NTHL1: variants seen among roughly 807,000 people sequenced by gnomAD.
The protein encoded by NTHL1 is nth like DNA glycosylase 1.
Under a neutral mutation model 32.3 loss-of-function variants are expected in NTHL1, and 32 were observed. The observed-to-expected ratio is 0.99, with a 90% CI of 0.75 to 1.33. The LOEUF is 1.33. NTHL1 is among the 40% of genes most tolerant of loss of function. The probability of loss-of-function intolerance (pLI) is 0.00; values close to 1 mark genes in which losing one functional copy is unlikely to be tolerated. For synonymous variants in NTHL1, 188 were observed against 176.9 expected (o/e 1.06, Z -0.50); for missense variants, 501 against 414.1 (o/e 1.21, Z -1.82).
In NTHL1 at chr16:2,043,001, G is replaced by A. The variant is rs1020383627; in HGVS notation, c.685+566C>T. Among the ~76,000 whole-genome samples the A allele has an allele frequency of 8.4e-6, 1 of 119,472 alleles. No individual in the cohort carries two copies. Among genetic ancestry groups the A allele is most frequent in the Non-Finnish European group, 1.7e-5 (1 of 58,070 alleles). 78.4% of individuals were successfully genotyped at this position (119,472 alleles called of 152,430 possible). Reference sequence around the variant, plus strand: ...CACCTCCCTCCCCACCCCACCTGCTGAGGGGATACTCTTCCTCCTCCCTCC... The same window carrying A: ...CACCTCCCTCCCCACCCCACCTGCTAAGGGGATACTCTTCCTCCTCCCTCC... On this transcript the variant is annotated intron_variant, in intron 4 of 5. Transcript: ENST00000651570. This position sits in a 1 kb window ranked among gnomAD's most constrained non-coding sequence, Gnocchi z 4.4.
chr16:2,041,133 T>C (rs1447021327), intron 4 of NTHL1, among the ~76,000 whole-genome samples: 2 of 152,246 alleles, frequency 1.3e-5, no homozygotes, highest in African/African-American at 4.8e-5. Context: ...AGCCGAGGCC[T>C]GCACCAGCTC....
In NTHL1 at chr16:2,044,906, A is replaced by G. The variant is rs372848463; in HGVS notation, c.355-106T>C. 187 of 1,324,234 alleles carry G rather than the reference A, an allele frequency of 1.4e-4. No homozygotes were observed. The African/African-American group carries it at 2.5e-3, about 18-fold the overall frequency. 82.0% of individuals were successfully genotyped at this position (1,324,234 alleles called of 1,614,324 possible). ...ACACCCTGGTTTGTTGCCCTGGGCC[A>G]CACTTGAGGCATCAGCCTCCCCCTG... On this transcript the variant is annotated intron_variant, in intron 2 of 5. Transcript: ENST00000651570. This position sits in a 1 kb window ranked among gnomAD's most constrained non-coding sequence, Gnocchi z 5.0.
At chr16:2,047,537 T>C in intron 1 of NTHL1, 172 bp downstream of exon 1, 1 of 1,159,706 alleles carries the variant, frequency 8.6e-7, no homozygotes, top group Non-Finnish European at 1.2e-6. Flanking sequence ...GACCGCAATC[T>C]TTGGGAAAAA....
rs2084316484 is a variant in NTHL1 at position 2,044,648 on chromosome 16, G to A, written c.507C>T (p.Tyr169=). 10 of 1,606,930 alleles carry A rather than the reference G, an allele frequency of 6.2e-6. No individual in the cohort carries two copies. The highest frequency in any genetic ancestry group is 1.1e-5 in the South Asian group (1 of 91,080). The change falls in exon 3 of 6, where the codon TAC becomes TAT. Residue 169 remains tyrosine (Y), a synonymous_variant. Coordinates refer to ENST00000651570, the MANE Select transcript of NTHL1 (RefSeq NM_002528.7). This position sits in a 1 kb window ranked among gnomAD's most constrained non-coding sequence, Gnocchi z 5.0. ...GGCTCACCCTCCAGAAACCGACGGG[G>A]TAGATGAGCTTGCCCAGCGTGGCAT... ...TDDATLGKLI[Y]PVGFWRSKVK... is the part of the protein sequence containing the mutation.
intron 4 of NTHL1, among the ~76,000 whole-genome samples, chr16:2,042,770 C>A (rs143604769): frequency 0.029 from 4,286 of 148,020 alleles, 228 homozygotes; most frequent in African/African-American, 0.1. Flanking sequence ...GGCCCTCCCC[C>A]CAGTGCCTCC....
rs1296099759 is a variant in NTHL1 at position 2,043,455 on chromosome 16, A to G, written c.685+112T>C. The G allele has an allele frequency of 2.0e-6, 3 of 1,466,774 alleles. No individual in the cohort carries two copies. Among genetic ancestry groups the G allele is most frequent in the African/African-American group, 1.4e-5 (1 of 72,184 alleles). 90.9% of individuals were successfully genotyped at this position (1,466,774 alleles called of 1,614,324 possible). ...ACCCTGGGAGCACCTTTCTGACTCT[A>G]TGGGCTGGGTGGAGGACCAGCATGC... On this transcript the variant is annotated intron_variant, in intron 4 of 5. Coordinates refer to ENST00000651570, the MANE Select transcript of NTHL1 (RefSeq NM_002528.7). The surrounding 1 kb of genome is among the most constrained non-coding windows in gnomAD (Gnocchi z 4.4).
At chr16:2,041,075 A>G (rs1214262532) in intron 4 of NTHL1, among the ~76,000 whole-genome samples, 3 of 152,162 alleles carry the variant, frequency 2.0e-5, no homozygotes, top group African/African-American at 7.2e-5. Context: ...GGCCCCGGCC[A>G]GCTGCAGCCC....
chr16:2,043,056 T>C lies in NTHL1; in HGVS notation c.685+511A>G, dbSNP rs931856441. Among the ~76,000 whole-genome samples, 3 of 142,764 alleles carry C rather than the reference T, an allele frequency of 2.1e-5. No homozygotes were observed. Among genetic ancestry groups the C allele is most frequent in the African/African-American group, 5.2e-5 (2 of 38,126 alleles). 93.7% of individuals were successfully genotyped at this position (142,764 alleles called of 152,430 possible). A position where few individuals can be genotyped will look rare whatever the true frequency, so the allele number is the denominator to read the frequency against. ...TCCTTACCTCCCCACTCTGCCCTCA[T>C]CTCATTCCAGAACTTCCTGCTCCTG... On this transcript the variant is annotated intron_variant, in intron 4 of 5. Transcript: ENST00000651570. The surrounding 1 kb of genome is among the most constrained non-coding windows in gnomAD (Gnocchi z 4.4).
intron 4 of NTHL1, chr16:2,042,004 C>T (rs1205030860): frequency 4.0e-5 from 18 of 455,478 alleles, no homozygotes; most frequent in African/African-American, 2.4e-4. Flanking sequence ...CCACATACCT[C>T]GGCCTTCCAA....
chr16:2,045,143 C>A (rs904030228), intron 2 of NTHL1, among the ~76,000 whole-genome samples: 1 of 152,040 alleles, frequency 6.6e-6, no homozygotes, highest in Non-Finnish European at 1.5e-5. Context: ...TTGAGACCAG[C>A]CTGATCAACG....
chr16:2,043,739 G>T lies in NTHL1; in HGVS notation c.526-13C>A. 1 of 1,610,720 alleles carries T rather than the reference G, an allele frequency of 6.2e-7. No individual in the cohort carries two copies. The highest frequency in any genetic ancestry group is 1.3e-5 in the African/African-American group (1 of 75,062). On this transcript the variant is annotated splice_polypyrimidine_tract_variant and intron_variant, in intron 3 of 5. Transcript: ENST00000651570. This position sits in a 1 kb window ranked among gnomAD's most constrained non-coding sequence, Gnocchi z 4.4. Reference sequence around the variant, plus strand: ...ATTTCACCTTGCTCTGAAAGACAGGGGTGGGTTCAGCCTTGGAGGCAAGGG... The same window carrying T: ...ATTTCACCTTGCTCTGAAAGACAGGTGTGGGTTCAGCCTTGGAGGCAAGGG...
rs555400420 is a variant in NTHL1, at chr16:2,040,066, G to C, written c.792-19C>G. 72 of 1,612,598 alleles carry C rather than the reference G, an allele frequency of 4.5e-5. 2 individuals carry two copies. The South Asian group carries it at 7.7e-4, about 17-fold the overall frequency. The stretch of plus-strand genomic sequence containing the variant: ...CAGCTCCCTGTGGGGGTGGGGGCTG[G>C]GTCAGTGCTGACAGAGGGCGGGCGG... On this transcript the variant is annotated intron_variant, in intron 5 of 5. Coordinates refer to ENST00000651570, the MANE Select transcript of NTHL1 (RefSeq NM_002528.7).
intron 1 of NTHL1, 49 bp from the exon 2 acceptor site, chr16:2,046,415 A>G (rs2084393223): frequency 1.3e-6 from 2 of 1,556,950 alleles, no homozygotes. Context: ...AGGTGAAGGT[A>G]GGGTAGGGGT....
At chr16:2,046,455 T>G in intron 1 of NTHL1, 89 bp from the exon 2 acceptor site, 1 of 1,196,522 alleles carries the variant, frequency 8.4e-7, no homozygotes, top group Non-Finnish European at 1.2e-6. Flanking sequence ...CACCCCTCAC[T>G]CGTTCATGCC....
intron 1 of NTHL1, 125 bp downstream of exon 1, chr16:2,047,584 C>T (rs559051711): frequency 2.1e-6 from 3 of 1,402,894 alleles, no homozygotes; most frequent in African/African-American, 2.9e-5. Context: ...ACGTGGGAAC[C>T]GTTCGCGGCT....
Position 2,044,199 on chromosome 16 carries a change from C to T in NTHL1, c.525+431G>A, listed in dbSNP as rs1365103971. 6.1e-6 allele frequency: 2 copies of T among 330,518 alleles called. No homozygotes were observed. The highest frequency in any genetic ancestry group is 7.1e-5 in the East Asian group (1 of 14,064). 20.5% of individuals were successfully genotyped at this position (330,518 alleles called of 1,614,324 possible). A position where few individuals can be genotyped will look rare whatever the true frequency, so the allele number is the denominator to read the frequency against. On this transcript the variant is annotated intron_variant, in intron 3 of 5. Coordinates refer to ENST00000651570, the MANE Select transcript of NTHL1 (RefSeq NM_002528.7). This position sits in a 1 kb window ranked among gnomAD's most constrained non-coding sequence, Gnocchi z 5.0. ...CACGCGGGTGCCAAGGGGAAGCGGC[C>T]CCACCCACCAAGCTGCTTTCAACAG...
chr16:2,046,062 G>T, intron 2 of NTHL1, 66 bp downstream of exon 2: 1 of 1,406,580 alleles, frequency 7.1e-7, no homozygotes. Flanking sequence ...AAAGCCACCG[G>T]GTAGAAAGAA....
Position 2,046,216 on chromosome 16 carries a change from A to T in NTHL1, c.266T>A (p.Val89Asp), listed in dbSNP as rs1596222888. The T allele has an allele frequency of 1.2e-6, 2 of 1,613,086 alleles. No homozygotes were observed. The highest frequency in any genetic ancestry group is 4.5e-5 in the East Asian group (2 of 44,868). The change falls in exon 2 of 6, where the codon GTC becomes GAC. Residue 89 changes from valine to aspartate, a missense_variant. Transcript: ENST00000651570. Reference protein sequence around the residue: ...WEPQDWQQQLVNIRAMRNKKD... With the variant: ...WEPQDWQQQLDNIRAMRNKKD... The stretch of plus-strand genomic sequence containing the variant: ...TTTGTTCCTCATGGCACGGATGTTG[A>T]CCAGCTGTTGCTGCCAGTCCTGGGG...
Position 2,041,943 on chromosome 16 carries a change from G to A in NTHL1, c.685+1624C>T, listed in dbSNP as rs1033793562. ...AATTTTTGTATTTTTAGTAGAGAGC[G>A]GGTTTCACCACGTTGGCCAGGCTGA... On this transcript the variant is annotated intron_variant, in intron 4 of 5. Transcript: ENST00000651570. The A allele has an allele frequency of 1.8e-5, 8 of 435,352 alleles. No individual in the cohort carries two copies. In the East Asian group the frequency reaches 2.8e-4, roughly 15 times the overall value. 27.0% of individuals were successfully genotyped at this position (435,352 alleles called of 1,614,324 possible).
Sources: gnomAD v4.1 joint callset for allele counts (sites outside exome capture counted in the v4.1 genomes callset) on GRCh38, gnomAD v4.1.1 for gene constraint, Gnocchi (gnomAD v3.1) non-coding constraint, MANE v1.5 for transcripts, NCBI Gene and HGNC (gene_info 2026-07-23, HGNC 2026-07-21) for gene names.